The following TOP1MT variants were observed in gnomAD, a reference collection of about 807,000 sequenced individuals.
TOP1MT encodes DNA topoisomerase I mitochondrial, also known as DNA topoisomerase I, mitochondrial.
A neutral mutation model predicts 73.9 loss-of-function variants in TOP1MT; 80 were observed. The observed-to-expected ratio is 1.08, with a 90% CI of 0.90 to 1.30. The LOEUF (loss-of-function observed/expected upper bound fraction) is 1.30, where lower values mean the gene tolerates loss of function less well. Ranked by LOEUF, TOP1MT falls within the 50% of genes most tolerant of loss-of-function variation. The pLI, the probability that TOP1MT is intolerant of heterozygous loss-of-function variation, is 0.00. For missense variants in TOP1MT, 815 were observed against 808.0 expected (o/e 1.01, Z -0.10); for synonymous variants, 338 against 326.4 (o/e 1.04, Z -0.38).
intron 2 of TOP1MT, among the ~76,000 whole-genome samples, chr8:143,342,073 C>CTAT (rs1477954662): frequency 8.1e-6 from 1 of 122,938 alleles, no homozygotes; most frequent in East Asian, 2.2e-4. Context: ...GAGTCTCGCT[C>CTAT]TGTTATTATT....
upstream of TOP1MT, among the ~76,000 whole-genome samples, chr8:143,337,916 G>C (rs980368550): frequency 1.3e-5 from 2 of 152,154 alleles, no homozygotes. Context: ...GTTTGGTTCT[G>C]TTCTGATCAC....
At chr8:143,345,675 A>G (rs1160255304), upstream of TOP1MT, among the ~76,000 whole-genome samples, 1 of 152,252 alleles carries the variant, frequency 6.6e-6, no homozygotes, top group Non-Finnish European at 1.5e-5. Flanking sequence ...AAATTATAGA[A>G]GAATACATTA....
At chr8:143,320,825 T>A (rs1586755432) in intron 8 of TOP1MT, among the ~76,000 whole-genome samples, 3 of 152,170 alleles carry the variant, frequency 2.0e-5, no homozygotes, top group Admixed American at 1.3e-4. Flanking sequence ...GGGCGGGATG[T>A]GGCTCTGCCA....
upstream of TOP1MT, among the ~76,000 whole-genome samples, chr8:143,336,974 A>C (rs749820637): frequency 2.6e-5 from 4 of 152,242 alleles, no homozygotes; most frequent in Non-Finnish European, 5.9e-5. Context: ...AAAATAATTT[A>C]TTATAGCATG....
In TOP1MT at chr8:143,344,158, C is replaced by T. The variant is rs2130428094; in HGVS notation, c.-39+758G>A. The T allele has an allele frequency of 6.6e-6, 1 of 152,350 alleles. No homozygotes were observed. Among genetic ancestry groups the T allele is most frequent in the Admixed American group, 6.5e-5 (1 of 15,300 alleles). The allele number at this position is 152,350 out of a possible 1,614,324, so 9.4% of individuals were successfully genotyped here. ...AATCTAGGCCCTCAAGGATGGGGCCCTCAAAGATGACACCAAGGTCTGTGC... is the reference window on the plus strand; with the variant it reads ...AATCTAGGCCCTCAAGGATGGGGCCTTCAAAGATGACACCAAGGTCTGTGC... On this transcript the variant is annotated intron_variant, in intron 1 of 5. Transcript: ENST00000518007. The surrounding 1 kb of genome is among the most constrained non-coding windows in gnomAD (Gnocchi z 4.6).
chr8:143,345,825 A>G (rs1222997606), upstream of TOP1MT, among the ~76,000 whole-genome samples: 1 of 152,250 alleles, frequency 6.6e-6, no homozygotes, highest in Admixed American at 6.5e-5. Flanking sequence ...TTACTATTGC[A>G]TTGCTTTTCA....
chr8:143,325,429 C>G lies in TOP1MT; in HGVS notation c.588G>C (p.Leu196Phe), dbSNP rs780663716. 1 of 1,613,508 alleles carries G rather than the reference C, an allele frequency of 6.2e-7. No homozygotes were observed. Residue 196 changes from leucine (L) to phenylalanine (F), a missense_variant, in exon 5 of 14, where the codon TTG becomes TTC. This residue lies in a region of TOP1MT where 751 missense variants were observed against 725.4 expected (regional missense o/e 1.04). Coordinates refer to ENST00000329245, the MANE Select transcript of TOP1MT (RefSeq NM_052963.3). ...TGGGATGGTCGCCACGGCCACGGAACAAGCCAGGCGGCTCAATCTTGAAGT... is the reference window on the plus strand; with the variant it reads ...TGGGATGGTCGCCACGGCCACGGAAGAAGCCAGGCGGCTCAATCTTGAAGT... Reference protein sequence around the residue: ...IGNFKIEPPGLFRGRGDHPKM... With the variant: ...IGNFKIEPPGFFRGRGDHPKM...
intron 1 of TOP1MT, among the ~76,000 whole-genome samples, chr8:143,353,206 CA>C (rs1268998615): frequency 6.6e-6 from 1 of 152,058 alleles, no homozygotes; most frequent in Non-Finnish European, 1.5e-5. Flanking sequence ...CTTGAGCCCA[CA>C]AGTTTGAGAC....
intron 8 of TOP1MT, among the ~76,000 whole-genome samples, chr8:143,320,412 G>A (rs1816298580): frequency 6.6e-6 from 1 of 152,108 alleles, no homozygotes; most frequent in Admixed American, 6.5e-5. Flanking sequence ...TTACAGGCGT[G>A]AGCCACCTTG....
Position 143,315,762 on chromosome 8 carries a change from A to T in TOP1MT, c.1518T>A (p.Ala506=), listed in dbSNP as rs200757929. Residue 506 remains alanine, a synonymous_variant, in exon 12 of 14, where the codon GCT becomes GCA. Coordinates refer to ENST00000329245, the MANE Select transcript of TOP1MT (RefSeq NM_052963.3). ...TGCCATCCCCTTGGGCTTTGTGCTC[A>T]GCCCTCGCCCTCCTCAGCTCTGCCC... The part of the protein sequence containing the change: ...EARAELRRAR[A]EHKAQGDGKS... 8.7e-6 allele frequency: 14 copies of T among 1,614,056 alleles called. No homozygotes were observed. The highest frequency in any genetic ancestry group is 8.5e-7 in the Non-Finnish European group (1 of 1,180,004).
At chr8:143,327,616 C>A in intron 3 of TOP1MT, 1 of 210,786 alleles carries the variant, frequency 4.7e-6, no homozygotes, top group Non-Finnish European at 1.0e-5. Context: ...ATGTGCCACC[C>A]ACTCCTGTTC....
intron 8 of TOP1MT, among the ~76,000 whole-genome samples, chr8:143,320,944 G>A (rs968973373): frequency 1.3e-5 from 2 of 152,154 alleles, no homozygotes; most frequent in Non-Finnish European, 2.9e-5. Flanking sequence ...GCTCCGGCCG[G>A]GGGGCAGGAG....
chr8:143,341,862 T>C lies in TOP1MT; in HGVS notation c.29+1358A>G, dbSNP rs1401504403. Among the ~76,000 whole-genome samples the C allele has an allele frequency of 6.7e-6, 1 of 148,902 alleles. No homozygotes were observed. The highest frequency in any genetic ancestry group is 1.5e-5 in the Non-Finnish European group (1 of 68,010). On this transcript the variant is annotated intron_variant, in intron 2 of 5. Coordinates refer to the TOP1MT transcript ENST00000518007. This position sits in a 1 kb window ranked among gnomAD's most constrained non-coding sequence, Gnocchi z 4.1. ...TTCTTCCTCCTCCTCCTCCTTCCTCTTTCTCCTCCCCCTTCTTCTTCTTCT... is the reference window on the plus strand; with the variant it reads ...TTCTTCCTCCTCCTCCTCCTTCCTCCTTCTCCTCCCCCTTCTTCTTCTTCT...
intron 7 of TOP1MT, among the ~76,000 whole-genome samples, chr8:143,321,931 G>A (rs1335207784): frequency 1.2e-4 from 6 of 50,460 alleles, no homozygotes; most frequent in African/African-American, 2.0e-4. Flanking sequence ...ACACATGCAC[G>A]CCACACACGC....
intron 4 of TOP1MT, 112 bp from the exon 5 acceptor site, chr8:143,325,645 C>G (rs1816687495): frequency 1.0e-6 from 1 of 966,864 alleles, no homozygotes; most frequent in Non-Finnish European, 1.5e-6. Flanking sequence ...CTCAGCTGGA[C>G]CCTCAAAGCC....
chr8:143,343,529 G>A (rs1188917857), intron 1 of TOP1MT: 32 of 323,584 alleles, frequency 9.9e-5, no homozygotes, highest in South Asian at 2.8e-4. Flanking sequence ...CAGAAGCTGC[G>A]AACACATCTC....
chr8:143,314,464 C>T (rs1285540024), intron 12 of TOP1MT, among the ~76,000 whole-genome samples: 1 of 151,716 alleles, frequency 6.6e-6, no homozygotes, highest in African/African-American at 2.4e-5. Flanking sequence ...CGTGGTGGCG[C>T]GCACCTGTAA....
chr8:143,315,830 A>G lies in TOP1MT; in HGVS notation c.1459-9T>C. 2 of 1,613,018 alleles carry G rather than the reference A, an allele frequency of 1.2e-6. No individual in the cohort carries two copies. Among genetic ancestry groups the G allele is most frequent in the Non-Finnish European group, 1.7e-6 (2 of 1,179,910 alleles). ...TCCTTCTTTGCCTGGATCTGCAGGA[A>G]AAGGGTCCAGACAGGGCTGCCCCTC... is the stretch of plus-strand genomic sequence containing the variant. On this transcript the variant is annotated splice_polypyrimidine_tract_variant and intron_variant, in intron 11 of 13. Coordinates refer to ENST00000329245, the MANE Select transcript of TOP1MT (RefSeq NM_052963.3).
intron 12 of TOP1MT, among the ~76,000 whole-genome samples, chr8:143,310,792 G>A (rs1165672373): frequency 6.6e-6 from 1 of 152,246 alleles, no homozygotes; most frequent in Non-Finnish European, 1.5e-5. Context: ...AGCCCGCCGG[G>A]CCAGAAGCAT....
Sources: allele counts gnomAD v4.1 joint callset (sites outside exome capture counted in the v4.1 genomes callset), GRCh38; gene constraint gnomAD v4.1.1; regional missense constraint gnomAD v4.1.1; non-coding constraint Gnocchi (gnomAD v3.1); transcripts MANE v1.5; gene names NCBI Gene and HGNC (gene_info 2026-07-23, HGNC 2026-07-21).